Variants in NNT observed in about 807,000 individuals in gnomAD.
The protein encoded by NNT is NAD(P) transhydrogenase, mitochondrial.
NNT carries 50 observed loss-of-function variants against 104.8 expected under a neutral mutation model. That is an observed-to-expected ratio of 0.48 (90% CI 0.38 to 0.60). NNT has a LOEUF of 0.60. Among genes scored for constraint, NNT ranks in the 20% least tolerant of loss-of-function variants. NNT has a pLI of 0.00. For synonymous variants in NNT, 461 were observed against 490.4 expected (o/e 0.94, Z 0.79); for missense variants, 1,131 against 1,330.7 (o/e 0.85, Z 2.33).
intron 1 of NNT, among the ~76,000 whole-genome samples, chr5:43,604,405 C>T (rs1051503936): frequency 6.6e-6 from 1 of 152,182 alleles, no homozygotes; most frequent in African/African-American, 2.4e-5. Context: ...TGCCTTCTTT[C>T]CAGCAGGTGC....
intron 7 of NNT, among the ~76,000 whole-genome samples, chr5:43,633,529 GTTCTTTT>G (rs1262310974): frequency 4.6e-5 from 7 of 152,160 alleles, no homozygotes; most frequent in African/African-American, 1.7e-4. Flanking sequence ...CAGCAGTAGT[GTTCTTTT>G]TTCTTTTTTC....
chr5:43,671,207 A>G (rs1322997055), intron 17 of NNT, among the ~76,000 whole-genome samples: 2 of 152,166 alleles, frequency 1.3e-5, no homozygotes, highest in African/African-American at 2.4e-5. Context: ...TTGTGAATAC[A>G]GCACACTGAT....
chr5:43,645,385 C>T lies in NNT; in HGVS notation c.1319C>T (p.Thr440Ile). Residue 440 changes from threonine (T) to isoleucine (I), a missense_variant, in exon 10 of 22, where the codon ACA (threonine) becomes ATA (isoleucine). Physicochemically the swap from Thr to Ile is moderately conservative, Grantham distance 89. Coordinates refer to ENST00000344920, the MANE Select transcript of NNT (RefSeq NM_182977.3). ...GGTAAAGTGATTTTCCCAGCTCCCACACCGAAAAATATTCCTCAAGGTGCC... is the reference window on the plus strand; with the variant it reads ...GGTAAAGTGATTTTCCCAGCTCCCATACCGAAAAATATTCCTCAAGGTGCC... ...KDGKVIFPAPTPKNIPQGAPV... is the reference protein window; with the variant it reads ...KDGKVIFPAPIPKNIPQGAPV... The T allele has an allele frequency of 6.4e-7, 1 of 1,556,182 alleles. No homozygotes were observed. The highest frequency in any genetic ancestry group is 8.7e-7 in the Non-Finnish European group (1 of 1,149,762).
intron 1 of NNT, among the ~76,000 whole-genome samples, chr5:43,607,733 G>A (rs1287822102): frequency 6.6e-6 from 1 of 152,162 alleles, no homozygotes; most frequent in Non-Finnish European, 1.5e-5. Context: ...GAGCCACCAA[G>A]CCTGGCCAGT....
At chr5:43,689,503 T>C (rs1382674254) in intron 19 of NNT, among the ~76,000 whole-genome samples, 1 of 152,212 alleles carries the variant, frequency 6.6e-6, no homozygotes, top group Non-Finnish European at 1.5e-5. Flanking sequence ...TCATATTATC[T>C]TATAGAATCT....
At chr5:43,659,749 GT>G (rs1275090830) in intron 17 of NNT, among the ~76,000 whole-genome samples, 2 of 152,024 alleles carry the variant, frequency 1.3e-5, no homozygotes, top group Non-Finnish European at 2.9e-5. Context: ...AAAGAGTATG[GT>G]AGCTTTGAAT....
At chr5:43,685,806 A>G (rs1741957249) in intron 19 of NNT, among the ~76,000 whole-genome samples, 1 of 152,082 alleles carries the variant, frequency 6.6e-6, no homozygotes, top group South Asian at 2.1e-4. Flanking sequence ...CTGGTAGGAC[A>G]TATTGTCTCC....
At chr5:43,689,463 C>T (rs1349694966) in intron 19 of NNT, among the ~76,000 whole-genome samples, 1 of 152,156 alleles carries the variant, frequency 6.6e-6, no homozygotes, top group Non-Finnish European at 1.5e-5. Flanking sequence ...ATGAAATCCT[C>T]ACCTAAGCCA....
chr5:43,649,728 A>G (rs956701883), intron 11 of NNT, among the ~76,000 whole-genome samples: 7 of 152,196 alleles, frequency 4.6e-5, no homozygotes, highest in African/African-American at 1.7e-4. Context: ...ATGTGGCATC[A>G]GGTTCACCAT....
chr5:43,688,983 T>G (rs1742124140), intron 19 of NNT, among the ~76,000 whole-genome samples: 1 of 152,220 alleles, frequency 6.6e-6, no homozygotes, highest in South Asian at 2.1e-4. Flanking sequence ...TTTACCATAG[T>G]GTATTGTACT....
At chr5:43,669,854 T>C (rs1452018639) in intron 17 of NNT, among the ~76,000 whole-genome samples, 1 of 152,232 alleles carries the variant, frequency 6.6e-6, no homozygotes, top group Non-Finnish European at 1.5e-5. Flanking sequence ...TCAGAAGGAA[T>C]GGTACCAGCT....
chr5:43,610,201 C>CT (rs3054076), intron 2 of NNT, among the ~76,000 whole-genome samples: 9,684 of 126,032 alleles, frequency 0.077, 504 homozygotes, highest in Non-Finnish European at 0.12. Flanking sequence ...AACTGTCTGT[C>CT]TTTTTTTTTT....
chr5:43,632,351 C>T (rs1750716217), intron 7 of NNT, among the ~76,000 whole-genome samples: 1 of 152,102 alleles, frequency 6.6e-6, no homozygotes, highest in Admixed American at 6.5e-5. Flanking sequence ...GGACTGAAGG[C>T]CTGGTGTGGA....
chr5:43,670,719 G>T (rs1378664872), intron 17 of NNT, among the ~76,000 whole-genome samples: 1 of 152,170 alleles, frequency 6.6e-6, no homozygotes, highest in South Asian at 2.1e-4. Context: ...GTCAATTTTG[G>T]AATAAGTGCA....
intron 19 of NNT, among the ~76,000 whole-genome samples, chr5:43,698,444 G>A (rs1196573381): frequency 6.6e-6 from 1 of 152,000 alleles, no homozygotes; most frequent in African/African-American, 2.4e-5. Flanking sequence ...GTGAGTGTGG[G>A]TGTCTGGGAG....
chr5:43,606,040 A>C (rs779211341), intron 1 of NNT, among the ~76,000 whole-genome samples: 2 of 152,236 alleles, frequency 1.3e-5, no homozygotes, highest in Non-Finnish European at 2.9e-5. Flanking sequence ...AGAGACTAAA[A>C]TGGCCTTTGA....
Position 43,645,404 on chromosome 5 carries a change from A to G in NNT, c.1338A>G (p.Gln446=), listed in dbSNP as rs749679233. 6 of 1,569,170 alleles carry G rather than the reference A, an allele frequency of 3.8e-6. No homozygotes were observed. The South Asian group carries it at 5.9e-5, about 16-fold the overall frequency. The change falls in exon 10 of 22, where the codon CAA becomes CAG. Residue 446 remains glutamine, a synonymous_variant. Coordinates refer to ENST00000344920, the MANE Select transcript of NNT (RefSeq NM_182977.3). Reference sequence around the variant, plus strand: ...CTCCCACACCGAAAAATATTCCTCAAGGTGCCCCAGTAAAACAGAAGACAG... The same window carrying G: ...CTCCCACACCGAAAAATATTCCTCAGGGTGCCCCAGTAAAACAGAAGACAG... The part of the protein sequence containing the change: ...FPAPTPKNIP[Q]GAPVKQKTVA...
chr5:43,659,215 C>T lies in NNT; in HGVS notation c.2499C>T (p.Val833=), dbSNP rs556016683. 143 of 1,613,212 alleles carry T rather than the reference C, an allele frequency of 8.9e-5. 2 individuals are homozygous for T. The South Asian group carries it at 1.3e-3, about 14-fold the overall frequency. ...CTATTGGGGGTGCTGACATGCCCGT[C>T]GTTATCACTGTGCTGAACAGCTACT... is the stretch of plus-strand genomic sequence containing the variant. The part of the protein sequence containing the change: ...TAAIGGADMP[V]VITVLNSYSG... Residue 833 remains valine (V), a synonymous_variant, in exon 17 of 22, where the codon GTC becomes GTT. Coordinates refer to ENST00000344920, the MANE Select transcript of NNT (RefSeq NM_182977.3).
At position 43,615,978 on chromosome 5, in the gene NNT, A is replaced by G; in HGVS notation, c.512A>G (p.Lys171Arg). The G allele has an allele frequency of 6.2e-7, 1 of 1,614,196 alleles. No homozygotes were observed. The highest frequency in any genetic ancestry group is 8.5e-7 in the Non-Finnish European group (1 of 1,180,044). ...TTGCTAAATAAACTTTCCCAAAGAA[A>G]AACTACAGTTCTGGCAATGGACCAG... ...PELLNKLSQR[K>R]TTVLAMDQVP... The change falls in exon 4 of 22, where the codon AAA becomes AGA. Residue 171 changes from lysine (K) to arginine (R), a missense_variant. Coordinates refer to ENST00000344920, the MANE Select transcript of NNT (RefSeq NM_182977.3).
Sources: gnomAD v4.1 joint callset for allele counts (sites outside exome capture counted in the v4.1 genomes callset) on GRCh38, gnomAD v4.1.1 for gene constraint, MANE v1.5 for transcripts, NCBI Gene and HGNC (gene_info 2026-07-23, HGNC 2026-07-21) for gene names.